Variants in MCFD2 observed in about 807,000 individuals in gnomAD.
MCFD2 encodes multiple coagulation factor deficiency 2, ER cargo receptor complex subunit, also known as multiple coagulation factor deficiency protein 2.
MCFD2 carries 11 observed loss-of-function variants against 12.8 expected under a neutral mutation model. The observed-to-expected ratio is 0.86, with a 90% confidence interval of 0.54 to 1.42. The LOEUF (loss-of-function observed/expected upper bound fraction) is 1.42. MCFD2 is among the 40% of genes most tolerant of loss of function. The pLI is 0.00. For missense variants in MCFD2, 191 were observed against 178.6 expected (o/e 1.07, Z -0.40); for synonymous variants, 70 against 68.1 (o/e 1.03, Z -0.14).
At chr2:46,912,857 T>C (rs1390711746) in intron 1 of MCFD2, among the ~76,000 whole-genome samples, 1 of 152,172 alleles carries the variant, frequency 6.6e-6, no homozygotes, top group Non-Finnish European at 1.5e-5. Flanking sequence ...CTTGGGGAGC[T>C]GGGGGGATTA....
chr2:46,939,285 T>C (rs1670135131), intron 1 of MCFD2, among the ~76,000 whole-genome samples: 1 of 152,042 alleles, frequency 6.6e-6, no homozygotes, highest in Admixed American at 6.5e-5. Context: ...CCAGGCGCAG[T>C]GGCTCAAGCC....
In MCFD2 at chr2:46,941,235, TGCAGCGGCG is replaced by T. The variant is rs1006531705; in HGVS notation, c.-8+328_-8+336del. The T allele has an allele frequency of 2.1e-4, 31 of 149,794 alleles. No individual in the cohort carries two copies. Among genetic ancestry groups the T allele is most frequent in the Admixed American group, 1.2e-3 (18 of 14,890 alleles). 9.3% of individuals were successfully genotyped at this position (149,794 alleles called of 1,614,324 possible). ...CCGGGGCGGAGGCTGTGGCAGCAGC[TGCAGCGGCG>T]GCGGCGGCGGCAGCGCCAGGAGCTG... On this transcript the variant is annotated intron_variant, in intron 1 of 2. Coordinates refer to the MCFD2 transcript ENST00000409147. The surrounding 1 kb of genome is among the most constrained non-coding windows in gnomAD (Gnocchi z 4.2).
chr2:46,930,745 C>A (rs936897525), intron 1 of MCFD2, among the ~76,000 whole-genome samples: 79 of 152,042 alleles, frequency 5.2e-4, no homozygotes, highest in Non-Finnish European at 2.6e-4. Context: ...GGTGATCCAC[C>A]CGCCTCAGCC....
chr2:46,932,003 C>A (rs1669730956), intron 1 of MCFD2, among the ~76,000 whole-genome samples: 1 of 152,130 alleles, frequency 6.6e-6, no homozygotes, highest in East Asian at 1.9e-4. Context: ...GAAGAAAAAT[C>A]ATATGACAAT....
upstream of MCFD2, among the ~76,000 whole-genome samples, chr2:46,920,599 G>C (rs1362803220): frequency 6.6e-6 from 1 of 151,542 alleles, no homozygotes; most frequent in Non-Finnish European, 1.5e-5. Context: ...CCAAAGTGCT[G>C]AGATTATAGG....
At chr2:46,930,881 T>A (rs1669665479) in intron 1 of MCFD2, among the ~76,000 whole-genome samples, 1 of 152,222 alleles carries the variant, frequency 6.6e-6, no homozygotes, top group Non-Finnish European at 1.5e-5. Flanking sequence ...AATAATGCTT[T>A]ATATGAACTC....
At chr2:46,920,706 A>G (rs6741399), upstream of MCFD2, among the ~76,000 whole-genome samples, 12,731 of 151,646 alleles carry the variant, frequency 0.084, 981 homozygotes, top group African/African-American at 0.2. Flanking sequence ...GACATCCCAT[A>G]TCTCTTGAAA....
chr2:46,927,550 C>G (rs1015843302), intron 1 of MCFD2, among the ~76,000 whole-genome samples: 3 of 151,774 alleles, frequency 2.0e-5, no homozygotes, highest in Non-Finnish European at 4.4e-5. Context: ...TTAGTGGAGA[C>G]AGGGTTTCAC....
At chr2:46,916,041 C>T, upstream of MCFD2, 1 of 985,464 alleles carries the variant, frequency 1.0e-6, no homozygotes, top group Non-Finnish European at 1.2e-6. Context: ...GCCCTAGGGG[C>T]CCGGCAGTTG....
chr2:46,941,502 A>G lies in MCFD2; in HGVS notation c.-8+70T>C, dbSNP rs199857526. 10 of 1,540,758 alleles carry G rather than the reference A, an allele frequency of 6.5e-6. No homozygotes were observed. The East Asian group carries it at 2.3e-4, about 35-fold the overall frequency. On this transcript the variant is annotated intron_variant, in intron 1 of 2. Transcript: ENST00000409147. The surrounding 1 kb of genome is among the most constrained non-coding windows in gnomAD (Gnocchi z 4.2). ...GGACGCCGCCCCCGGCCGGGTCTCC[A>G]CTTCTTGGCCGCACCTTCCATGACA... is the stretch of plus-strand genomic sequence containing the variant.
chr2:46,903,470 G>C lies in MCFD2; in HGVS notation c.*1993C>G, dbSNP rs1048626972. 1.3e-5 allele frequency: 2 copies of C among 152,326 alleles called. No homozygotes were observed. Among genetic ancestry groups the C allele is most frequent in the Non-Finnish European group, 2.9e-5 (2 of 68,158 alleles). The allele number at this position is 152,326 out of a possible 1,614,324, so 9.4% of individuals were successfully genotyped here. On this transcript the variant is annotated 3_prime_UTR_variant, in exon 4 of 4. Coordinates refer to ENST00000319466, the MANE Select transcript of MCFD2 (RefSeq NM_139279.6). The stretch of plus-strand genomic sequence containing the variant: ...AGTTTGGAGGGCTCAGAAGAAAACA[G>C]GAAAATGTGGGAAAGTTTGGAACTT...
At chr2:46,917,846 G>C (rs538125581), upstream of MCFD2, among the ~76,000 whole-genome samples, 1 of 152,092 alleles carries the variant, frequency 6.6e-6, no homozygotes, top group South Asian at 2.1e-4. Context: ...TTCTTCTCTT[G>C]TTTTCTGACA....
In MCFD2 at chr2:46,908,281, G is replaced by A. The variant is rs547269311; in HGVS notation, c.150-312C>T. 1.3e-3 allele frequency: 497 copies of A among 372,512 alleles called. 1 individual carries two copies. The highest frequency in any genetic ancestry group is 1.0e-2 in the African/African-American group (460 of 46,130). The allele number at this position is 372,512 out of a possible 1,614,324, so 23.1% of individuals were successfully genotyped here. A position where few individuals can be genotyped will look rare whatever the true frequency, so the allele number is the denominator to read the frequency against. On this transcript the variant is annotated intron_variant, in intron 2 of 3. Coordinates refer to ENST00000319466, the MANE Select transcript of MCFD2 (RefSeq NM_139279.6). The surrounding 1 kb of genome is among the most constrained non-coding windows in gnomAD (Gnocchi z 4.5). The stretch of plus-strand genomic sequence containing the variant: ...CTTTAAAACTTTTTTTTTTTTTTGA[G>A]ACAGGGTCTCACTCTGCCACCCAGG...
intron 1 of MCFD2, among the ~76,000 whole-genome samples, chr2:46,926,331 A>G (rs982222738): frequency 2.0e-5 from 3 of 152,126 alleles, no homozygotes; most frequent in African/African-American, 7.2e-5. Flanking sequence ...GATCGGAGTA[A>G]GTGATGCTCC....
chr2:46,909,022 C>T lies in MCFD2; in HGVS notation c.149+1G>A. ...GACCACAGCCCGGGCTGAATACGTACTCTTGGTCGTGCACTGTGTTCTTAT... is the reference window on the plus strand; with the variant it reads ...GACCACAGCCCGGGCTGAATACGTATTCTTGGTCGTGCACTGTGTTCTTAT... On this transcript the variant is annotated splice_donor_variant, in intron 2 of 3. Coordinates refer to ENST00000319466, the MANE Select transcript of MCFD2 (RefSeq NM_139279.6). LOFTEE classifies it high-confidence loss of function. The T allele has an allele frequency of 6.2e-7, 1 of 1,614,196 alleles. No individual in the cohort carries two copies. The highest frequency in any genetic ancestry group is 1.1e-5 in the South Asian group (1 of 91,082).
At chr2:46,925,674 C>A (rs1228382686) in intron 1 of MCFD2, among the ~76,000 whole-genome samples, 1 of 152,132 alleles carries the variant, frequency 6.6e-6, no homozygotes, top group African/African-American at 2.4e-5. Flanking sequence ...CTGACTTCTC[C>A]CCTGCCACCT....
At chr2:46,939,353 C>T (rs1028758137) in intron 1 of MCFD2, among the ~76,000 whole-genome samples, 1 of 151,982 alleles carries the variant, frequency 6.6e-6, no homozygotes, top group African/African-American at 2.4e-5. Flanking sequence ...TTTTTTACAC[C>T]CCTGAGAAAT....
At chr2:46,909,609 A>G (rs538243109) in intron 1 of MCFD2, among the ~76,000 whole-genome samples, 61 of 152,182 alleles carry the variant, frequency 4.0e-4, no homozygotes, top group Non-Finnish European at 8.1e-4. Context: ...AAAATCAGAG[A>G]AGGCTGATAG....
At chr2:46,913,295 C>G (rs1181403731) in intron 1 of MCFD2, among the ~76,000 whole-genome samples, 1 of 152,136 alleles carries the variant, frequency 6.6e-6, no homozygotes, top group Non-Finnish European at 1.5e-5. Context: ...TGCCTGTAAT[C>G]TCAATACTTT....
Sources: gnomAD v4.1 joint callset for allele counts (sites outside exome capture counted in the v4.1 genomes callset) on GRCh38, gnomAD v4.1.1 for gene constraint, Gnocchi (gnomAD v3.1) non-coding constraint, MANE v1.5 for transcripts, NCBI Gene and HGNC (gene_info 2026-07-23, HGNC 2026-07-21) for gene names.